CDH13: variants seen among roughly 807,000 people sequenced by gnomAD.
The protein encoded by CDH13 is cadherin 13.
In CDH13, 24 loss-of-function variants were observed where a neutral mutation model predicts 63.8. That is an observed-to-expected ratio of 0.38 (90% CI 0.27 to 0.53). The LOEUF is 0.53. Among genes scored for constraint, CDH13 ranks in the 20% least tolerant of loss-of-function variants. The pLI, the probability that CDH13 is intolerant of heterozygous loss-of-function variation, is 0.85. For missense variants in CDH13, 1,049 were observed against 903.1 expected (o/e 1.16, Z -2.07); for synonymous variants, 503 against 355.3 (o/e 1.42, Z -4.67).
At chr16:82,686,559 G>C (rs1230962080) in intron 1 of CDH13, among the ~76,000 whole-genome samples, 2 of 152,228 alleles carry the variant, frequency 1.3e-5, no homozygotes, top group African/African-American at 4.8e-5. Flanking sequence ...GTCGCTCACT[G>C]ACTATGGAAG....
At chr16:83,148,772 T>A (rs2036856338) in intron 4 of CDH13, among the ~76,000 whole-genome samples, 1 of 152,234 alleles carries the variant, frequency 6.6e-6, no homozygotes, top group Admixed American at 6.5e-5. Context: ...GAGACAGATT[T>A]ATCCTTATAC....
chr16:83,554,222 A>G (rs2075561562), intron 7 of CDH13, among the ~76,000 whole-genome samples: 1 of 151,182 alleles, frequency 6.6e-6, no homozygotes, highest in Non-Finnish European at 1.5e-5. Flanking sequence ...CACTTACTTA[A>G]AAAAAAAATA....
At chr16:83,275,102 C>G (rs1597642051) in intron 5 of CDH13, among the ~76,000 whole-genome samples, 2 of 152,114 alleles carry the variant, frequency 1.3e-5, no homozygotes, top group East Asian at 3.9e-4. Flanking sequence ...TACTATATTC[C>G]CATTTCCTAG....
intron 2 of CDH13, among the ~76,000 whole-genome samples, chr16:83,007,949 T>TTCCTCAA (rs1913717883): frequency 6.6e-6 from 1 of 152,246 alleles, no homozygotes; most frequent in Non-Finnish European, 1.5e-5. Context: ...ATTTGTCCTT[T>TTCCTCAA]TCCTCAATTG....
intron 3 of CDH13, 180 bp downstream of exon 3, chr16:83,032,398 C>A: frequency 1.7e-6 from 1 of 589,286 alleles, no homozygotes; most frequent in South Asian, 2.1e-5. Context: ...TTAATTGATT[C>A]ATGTAACTAA....
intron 1 of CDH13, among the ~76,000 whole-genome samples, chr16:82,805,896 A>G (rs765416730): frequency 6.6e-6 from 1 of 152,210 alleles, no homozygotes; most frequent in Non-Finnish European, 1.5e-5. Flanking sequence ...CTGTCTTTTA[A>G]CATGGTACGC....
At chr16:83,502,095 A>G (rs1388923824) in intron 7 of CDH13, among the ~76,000 whole-genome samples, 1 of 152,256 alleles carries the variant, frequency 6.6e-6, no homozygotes, top group Non-Finnish European at 1.5e-5. Context: ...TGTGGAAGAC[A>G]GAATAATGGC....
At chr16:82,767,260 A>G (rs1300466308) in intron 1 of CDH13, among the ~76,000 whole-genome samples, 2 of 152,218 alleles carry the variant, frequency 1.3e-5, no homozygotes, top group Non-Finnish European at 2.9e-5. Context: ...ATGCAGAATT[A>G]CTGCAGAAAG....
chr16:83,105,977 G>C (rs1414463379), intron 3 of CDH13, among the ~76,000 whole-genome samples: 1 of 152,220 alleles, frequency 6.6e-6, no homozygotes, highest in Non-Finnish European at 1.5e-5. Flanking sequence ...GACCACAAAA[G>C]TTGTGATCAA....
At chr16:83,531,655 C>T (rs374732926) in intron 7 of CDH13, among the ~76,000 whole-genome samples, 3 of 152,154 alleles carry the variant, frequency 2.0e-5, no homozygotes, top group East Asian at 3.9e-4. Context: ...GTGGTATTGA[C>T]TGAAGAAGAG....
chr16:82,832,392 G>T (rs111235799), intron 1 of CDH13, among the ~76,000 whole-genome samples: 467 of 152,200 alleles, frequency 3.1e-3, no homozygotes, highest in Middle Eastern at 0.017. Flanking sequence ...CAGCAAGTAG[G>T]TACTTACGAC....
At chr16:83,792,869 A>T (rs535343516) in intron 13 of CDH13, among the ~76,000 whole-genome samples, 12 of 152,356 alleles carry the variant, frequency 7.9e-5, no homozygotes, top group African/African-American at 2.9e-4. Flanking sequence ...GTCTTGCAGC[A>T]TGGGGTATAA....
chr16:83,357,070 T>C (rs768328380), intron 6 of CDH13, among the ~76,000 whole-genome samples: 1 of 152,064 alleles, frequency 6.6e-6, no homozygotes, highest in Non-Finnish European at 1.5e-5. Context: ...TGGAAGTGGG[T>C]TGGGGTTCGT....
At chr16:83,257,474 C>T (rs1378553040) in intron 5 of CDH13, among the ~76,000 whole-genome samples, 1 of 152,186 alleles carries the variant, frequency 6.6e-6, no homozygotes, top group African/African-American at 2.4e-5. Flanking sequence ...ATCTTCGTTC[C>T]CTGATGGTAG....
intron 3 of CDH13, among the ~76,000 whole-genome samples, chr16:83,036,048 C>T (rs1175161642): frequency 6.6e-6 from 1 of 151,554 alleles, no homozygotes; most frequent in African/African-American, 2.4e-5. Flanking sequence ...GACTGAGACA[C>T]AATGGGGCTG....
intron 2 of CDH13, among the ~76,000 whole-genome samples, chr16:82,937,790 C>G: frequency 6.6e-6 from 1 of 152,254 alleles, no homozygotes; most frequent in Non-Finnish European, 1.5e-5. Flanking sequence ...AGCTTATATT[C>G]TGATGATTTG....
intron 2 of CDH13, among the ~76,000 whole-genome samples, chr16:82,893,126 A>G (rs920919688): frequency 3.3e-5 from 5 of 152,250 alleles, no homozygotes; most frequent in Admixed American, 3.3e-4. Context: ...AATTAGCACT[A>G]CAGAATGAAA....
At chr16:82,733,827 G>C (rs568656963) in intron 1 of CDH13, among the ~76,000 whole-genome samples, 2 of 152,338 alleles carry the variant, frequency 1.3e-5, no homozygotes, top group African/African-American at 4.8e-5. Context: ...AAAATACCCA[G>C]TTGCCTGAAT....
At chr16:83,309,677 C>T (rs2089958608) in intron 5 of CDH13, among the ~76,000 whole-genome samples, 1 of 152,202 alleles carries the variant, frequency 6.6e-6, no homozygotes, top group African/African-American at 2.4e-5. Context: ...GCCCAGCCCC[C>T]TCCTTCTGAA....
Sources: gnomAD v4.1 joint callset for allele counts (sites outside exome capture counted in the v4.1 genomes callset) on GRCh38, gnomAD v4.1.1 for gene constraint, MANE v1.5 for transcripts, NCBI Gene and HGNC (gene_info 2026-07-23, HGNC 2026-07-21) for gene names.